PCDHGA7: variants seen among roughly 807,000 people sequenced by gnomAD.
PCDHGA7 encodes protocadherin gamma subfamily A, 7.
A neutral mutation model predicts 58.3 loss-of-function variants in PCDHGA7; 44 were observed. The observed-to-expected ratio is 0.75, with a 90% CI of 0.59 to 0.97. PCDHGA7 has a LOEUF of 0.97. PCDHGA7 is among the 50% of genes least tolerant of loss of function. The pLI is 0.00. For synonymous variants in PCDHGA7, 516 were observed against 504.2 expected (o/e 1.02, Z -0.31); for missense variants, 1,266 against 1,188.7 (o/e 1.06, Z -0.96).
In PCDHGA7 at chr5:141,412,906, T is replaced by C. The variant is rs188124118; in HGVS notation, c.2424+27583T>C. ...ACAGAATAGTTTACTTTCCATTGCA[T>C]GTATCACTTGGGTGCAGTAACTTCT... On this transcript the variant is annotated intron_variant, in intron 1 of 3. Coordinates refer to ENST00000518325, the MANE Select transcript of PCDHGA7 (RefSeq NM_018920.4). 315 of 384,208 alleles carry C rather than the reference T, an allele frequency of 8.2e-4. 2 individuals carry two copies. Among genetic ancestry groups the C allele is most frequent in the African/African-American group, 5.6e-3 (272 of 48,326 alleles). The allele number at this position is 384,208 out of a possible 1,614,324, so 23.8% of individuals were successfully genotyped here. A position where few individuals can be genotyped will look rare whatever the true frequency, so the allele number is the denominator to read the frequency against.
Position 141,423,758 on chromosome 5 carries a change from GGGT to G in PCDHGA7, c.2424+38438_2424+38440del, listed in dbSNP as rs776356896. The G allele has an allele frequency of 7.0e-4, 256 of 366,834 alleles. 2 individuals are homozygous for G. The highest frequency in any genetic ancestry group is 6.8e-3 in the African/African-American group (232 of 34,230). The allele number at this position is 366,834 out of a possible 1,614,324, so 22.7% of individuals were successfully genotyped here. A position where few individuals can be genotyped will look rare whatever the true frequency, so the allele number is the denominator to read the frequency against. ...CTGTTATGAAAACTGTTTGGGGGGG[GGGT>G]GGGGCGGCATATATTTAGTTCATAT... On this transcript the variant is annotated intron_variant, in intron 1 of 3. Coordinates refer to ENST00000518325, the MANE Select transcript of PCDHGA7 (RefSeq NM_018920.4).
intron 1 of PCDHGA7, chr5:141,412,489 T>C (rs1292155082): frequency 6.6e-6 from 1 of 152,176 alleles, no homozygotes; most frequent in East Asian, 1.9e-4. Context: ...TCTTACACAA[T>C]CCTAAGCTAA....
At chr5:141,400,385 C>G (rs903146096) in intron 1 of PCDHGA7, 1 of 1,614,074 alleles carries the variant, frequency 6.2e-7, no homozygotes, top group Admixed American at 1.7e-5. Flanking sequence ...CTATGTGTTG[C>G]ACATACAGGA....
chr5:141,494,773 G>C, intron 1 of PCDHGA7, 34 bp from the exon 2 acceptor site: 1 of 1,613,966 alleles, frequency 6.2e-7, no homozygotes, highest in Non-Finnish European at 8.5e-7. Context: ...CTTCTCACGG[G>C]TACTCAGCCC....
At chr5:141,425,860 A>G (rs1445251215) in intron 1 of PCDHGA7, among the ~76,000 whole-genome samples, 1 of 152,248 alleles carries the variant, frequency 6.6e-6, no homozygotes, top group Non-Finnish European at 1.5e-5. Context: ...TGACTGTTCT[A>G]TAGATTCCCA....
chr5:141,416,098 G>A (rs745507614), intron 1 of PCDHGA7: 19 of 160,674 alleles, frequency 1.2e-4, no homozygotes, highest in Non-Finnish European at 8.1e-5. Flanking sequence ...AAGGGCAATA[G>A]GCCTTTTTCA....
chr5:141,429,395 A>AAT (rs2097212201), intron 1 of PCDHGA7, among the ~76,000 whole-genome samples: 7 of 152,008 alleles, frequency 4.6e-5, no homozygotes, highest in African/African-American at 1.7e-4. Flanking sequence ...TTTAAAAAAA[A>AAT]TTGAGATTAA....
rs1018272442 is a variant in PCDHGA7 at position 141,419,770 on chromosome 5, G to T, written c.2424+34447G>T. The stretch of plus-strand genomic sequence containing the variant: ...TGCGTGCTTTGGGTGACAAGGACTC[G>T]GTCCGCCAGCGCCTGCTAGTCGCTG... On this transcript the variant is annotated intron_variant, in intron 1 of 3. Transcript: ENST00000518325. 6.2e-6 allele frequency: 10 copies of T among 1,613,888 alleles called. No homozygotes were observed. The African/African-American group carries it at 1.2e-4, about 19-fold the overall frequency.
Position 141,383,913 on chromosome 5 carries a change from A to G in PCDHGA7, c.1014A>G (p.Leu338=). 1 of 1,613,990 alleles carries G rather than the reference A, an allele frequency of 6.2e-7. No homozygotes were observed. Among genetic ancestry groups the G allele is most frequent in the Non-Finnish European group, 8.5e-7 (1 of 1,179,884 alleles). The change falls in exon 1 of 4, where the codon TTA becomes TTG. Residue 338 remains leucine, a synonymous_variant. Coordinates refer to ENST00000518325, the MANE Select transcript of PCDHGA7 (RefSeq NM_018920.4). ...AGGCAAAAGTACTGATCACAGTTTTAGATGTAAATGATAATGCTCCAGAAG... is the reference window on the plus strand; with the variant it reads ...AGGCAAAAGTACTGATCACAGTTTTGGATGTAAATGATAATGCTCCAGAAG... ...LTKAKVLITV[L]DVNDNAPEVT...
chr5:141,438,063 A>T (rs540817874), intron 1 of PCDHGA7, among the ~76,000 whole-genome samples: 1 of 152,106 alleles, frequency 6.6e-6, no homozygotes, highest in Non-Finnish European at 1.5e-5. Context: ...CTTTTAAGAA[A>T]CCATACTTAA....
chr5:141,489,314 G>T lies in PCDHGA7; in HGVS notation c.2425-5493G>T. ...TGCATGTTGTCCTTGTGCTGCTGGG[G>T]CTGGGTGTCTGGGCAGCTTCGTTAC... On this transcript the variant is annotated intron_variant, in intron 1 of 3. Transcript: ENST00000518325. This position sits in a 1 kb window ranked among gnomAD's most constrained non-coding sequence, Gnocchi z 4.5. 6.3e-7 allele frequency: 1 copy of T among 1,596,908 alleles called. No individual in the cohort carries two copies. The highest frequency in any genetic ancestry group is 8.5e-7 in the Non-Finnish European group (1 of 1,170,694).
At chr5:141,478,088 A>G (rs2099429877) in intron 1 of PCDHGA7, 2 of 1,613,944 alleles carry the variant, frequency 1.2e-6, no homozygotes, top group African/African-American at 1.3e-5. Context: ...TTCGCTCTCC[A>G]CCACTGCTAC....
intron 1 of PCDHGA7, among the ~76,000 whole-genome samples, chr5:141,474,185 C>T (rs1481544975): frequency 1.3e-5 from 2 of 152,180 alleles, no homozygotes; most frequent in Non-Finnish European, 2.9e-5. Flanking sequence ...AAACTACTTA[C>T]ATTTTTAAAA....
chr5:141,487,429 C>A lies in PCDHGA7; in HGVS notation c.2425-7378C>A. 1 of 1,614,162 alleles carries A rather than the reference C, an allele frequency of 6.2e-7. No individual in the cohort carries two copies. Among genetic ancestry groups the A allele is most frequent in the Non-Finnish European group, 8.5e-7 (1 of 1,180,018 alleles). On this transcript the variant is annotated intron_variant, in intron 1 of 3. Transcript: ENST00000518325. The surrounding 1 kb of genome is among the most constrained non-coding windows in gnomAD (Gnocchi z 5.0). ...CCCCTTCCAATGGGATCCTCCGAAT[C>A]CAGCTAGGGTCAGATGACCCTATCA...
intron 3 of PCDHGA7, among the ~76,000 whole-genome samples, chr5:141,509,962 C>A (rs1186902807): frequency 2.0e-5 from 3 of 152,206 alleles, no homozygotes. Context: ...CGGGTATGGC[C>A]TTGGTCCTTC....
At chr5:141,466,794 T>C (rs1487051313) in intron 1 of PCDHGA7, among the ~76,000 whole-genome samples, 2 of 152,226 alleles carry the variant, frequency 1.3e-5, no homozygotes, top group Non-Finnish European at 2.9e-5. Context: ...TGCCTCAAAC[T>C]AGATCCTATT....
chr5:141,511,428 G>T lies in PCDHGA7; in HGVS notation c.*255G>T. 1 of 769,024 alleles carries T rather than the reference G, an allele frequency of 1.3e-6. No homozygotes were observed. The highest frequency in any genetic ancestry group is 2.0e-6 in the Non-Finnish European group (1 of 504,448). 47.6% of individuals were successfully genotyped at this position (769,024 alleles called of 1,614,324 possible). ...ACTGCTGTACCCATGGGGGTAGTGG[G>T]GTTACTGTAGACACCAAGAACCATT... On this transcript the variant is annotated 3_prime_UTR_variant, in exon 4 of 4. Transcript: ENST00000518325.
chr5:141,496,152 C>T (rs771462960), intron 2 of PCDHGA7, among the ~76,000 whole-genome samples: 2 of 152,080 alleles, frequency 1.3e-5, no homozygotes, highest in Non-Finnish European at 1.5e-5. Flanking sequence ...GATCGCAGCT[C>T]TCCACCAGAC....
At chr5:141,481,879 A>G (rs1204365605) in intron 1 of PCDHGA7, among the ~76,000 whole-genome samples, 1 of 144,890 alleles carries the variant, frequency 6.9e-6, no homozygotes, top group Non-Finnish European at 1.5e-5. Context: ...GCGCCACTGC[A>G]CTCCAGCCTG....
Sources: allele counts gnomAD v4.1 joint callset (sites outside exome capture counted in the v4.1 genomes callset), GRCh38; gene constraint gnomAD v4.1.1; non-coding constraint Gnocchi (gnomAD v3.1); transcripts MANE v1.5; gene names NCBI Gene and HGNC (gene_info 2026-07-23, HGNC 2026-07-21).